Variants in BST1 observed in about 807,000 individuals in gnomAD.
BST1 encodes the protein ADP-ribosyl cyclase/cyclic ADP-ribose hydrolase 2.
Under a neutral mutation model 40.6 loss-of-function variants are expected in BST1, and 49 were observed. The ratio of observed to expected loss-of-function variants is 1.21; its 90% CI spans 0.96 to 1.53. The LOEUF is 1.53. Among genes scored for constraint, BST1 ranks in the 40% most tolerant of loss-of-function variants. BST1 has a pLI of 0.00. For synonymous variants in BST1, 157 were observed against 159.3 expected (o/e 0.99, Z 0.11); for missense variants, 423 against 395.9 (o/e 1.07, Z -0.58).
downstream of BST1, among the ~76,000 whole-genome samples, chr4:15,735,448 TGGA>T (rs1374441240): frequency 2.6e-5 from 4 of 152,146 alleles, no homozygotes; most frequent in Admixed American, 2.0e-4. Context: ...TTTCTTTTGT[TGGA>T]GGAGGCCAGG....
intron 6 of BST1, among the ~76,000 whole-genome samples, chr4:15,717,882 T>C (rs1191970392): frequency 6.6e-6 from 1 of 152,220 alleles, no homozygotes; most frequent in African/African-American, 2.4e-5. Context: ...GAAGAGCACT[T>C]GTGCAGTTCT....
intron 8 of BST1, among the ~76,000 whole-genome samples, chr4:15,727,565 G>A (rs1165577256): frequency 6.6e-6 from 1 of 152,100 alleles, no homozygotes; most frequent in Non-Finnish European, 1.5e-5. Flanking sequence ...ATTCAACAAG[G>A]TGTCATTTTC....
the BST1 span, among the ~76,000 whole-genome samples, chr4:15,772,689 C>T: frequency 1.3e-5 from 2 of 152,182 alleles, no homozygotes; most frequent in African/African-American, 4.8e-5. Flanking sequence ...ATTTGCAGAT[C>T]GAACCTAGCT....
the BST1 span, among the ~76,000 whole-genome samples, chr4:15,750,187 G>A: frequency 2.0e-5 from 3 of 152,152 alleles, no homozygotes; most frequent in African/African-American, 7.2e-5. Context: ...ACTATGCCCA[G>A]CTAATTTTTG....
the BST1 span, among the ~76,000 whole-genome samples, chr4:15,761,910 C>T: frequency 6.6e-6 from 1 of 151,826 alleles, no homozygotes; most frequent in Non-Finnish European, 1.5e-5. Context: ...GTTTTAAGAA[C>T]TTAATTCGGC....
At chr4:15,761,909 A>C in the BST1 span, among the ~76,000 whole-genome samples, 1 of 152,002 alleles carries the variant, frequency 6.6e-6, no homozygotes, top group East Asian at 1.9e-4. Context: ...GGTTTTAAGA[A>C]CTTAATTCGG....
chr4:15,764,897 T>TGTGTGTGTGTGTGTG, the BST1 span, among the ~76,000 whole-genome samples: 4 of 132,850 alleles, frequency 3.0e-5, no homozygotes, highest in Admixed American at 7.2e-5. Context: ...TGTGTGTGTG[T>TGTGTGTGTGTGTGTG]TTTGCAAAGT....
the BST1 span, among the ~76,000 whole-genome samples, chr4:15,748,970 G>A: frequency 6.6e-6 from 1 of 152,172 alleles, no homozygotes; most frequent in African/African-American, 2.4e-5. Context: ...ATGAGACGAG[G>A]GAGGGAAGCA....
At chr4:15,749,412 TTTA>T in the BST1 span, among the ~76,000 whole-genome samples, 4 of 152,184 alleles carry the variant, frequency 2.6e-5, no homozygotes, top group Non-Finnish European at 5.9e-5. Flanking sequence ...TTGTTGTTAT[TTTA>T]CTTTATTCAG....
At chr4:15,748,648 A>T in the BST1 span, among the ~76,000 whole-genome samples, 2 of 152,208 alleles carry the variant, frequency 1.3e-5, no homozygotes, top group Non-Finnish European at 2.9e-5. Context: ...ATTTTCGCAC[A>T]GTCTGCCCTC....
chr4:15,770,289 G>C, the BST1 span, among the ~76,000 whole-genome samples: 1 of 152,072 alleles, frequency 6.6e-6, no homozygotes, highest in East Asian at 1.9e-4. Flanking sequence ...CTTGTCCCCA[G>C]GTGTCCCCAA....
intron 4 of BST1, among the ~76,000 whole-genome samples, chr4:15,714,933 T>C (rs1387641889): frequency 1.3e-5 from 2 of 152,206 alleles, no homozygotes; most frequent in Non-Finnish European, 2.9e-5. Context: ...GTGATAAACA[T>C]GTAGTGTGAG....
chr4:15,703,340 A>G lies in BST1; in HGVS notation c.188+8A>G. 1.5e-6 allele frequency: 2 copies of G among 1,358,112 alleles called. No homozygotes were observed. Among genetic ancestry groups the G allele is most frequent in the East Asian group, 3.7e-5 (1 of 27,138 alleles). The allele number at this position is 1,358,112 out of a possible 1,614,324, so 84.1% of individuals were successfully genotyped here. ...GCTGAGTCCCGAGCAGCGGTGAGGC[A>G]GTCGGCCGGGTGGAAGGGGAGCCGG... On this transcript the variant is annotated splice_region_variant and intron_variant, in intron 1 of 8. Transcript: ENST00000265016.
chr4:15,731,946 A>C lies in BST1; in HGVS notation c.*101A>C. On this transcript the variant is annotated 3_prime_UTR_variant, in exon 9 of 9. Coordinates refer to ENST00000265016, the MANE Select transcript of BST1 (RefSeq NM_004334.3). Reference sequence around the variant, plus strand: ...ACCAAATGATTCTGTTATCTAAAGAAGCTTTTTGCTGGGAAAACGATGTCC... The same window carrying C: ...ACCAAATGATTCTGTTATCTAAAGACGCTTTTTGCTGGGAAAACGATGTCC... 1 of 1,401,068 alleles carries C rather than the reference A, an allele frequency of 7.1e-7. No homozygotes were observed. The highest frequency in any genetic ancestry group is 9.3e-7 in the Non-Finnish European group (1 of 1,069,942). The allele number at this position is 1,401,068 out of a possible 1,614,324, so 86.8% of individuals were successfully genotyped here.
chr4:15,736,813 T>G (rs1577603757), downstream of BST1, among the ~76,000 whole-genome samples: 1 of 152,150 alleles, frequency 6.6e-6, no homozygotes, highest in African/African-American at 2.4e-5. Context: ...TGTTTTTATG[T>G]CTCTCTCTCT....
rs1046878604 is a variant in BST1, at chr4:15,703,300, C to T, written c.156C>T (p.Ala52=). 2.6e-6 allele frequency: 4 copies of T among 1,528,766 alleles called. No individual in the cohort carries two copies. The African/African-American group carries it at 4.2e-5, about 16-fold the overall frequency. 94.7% of individuals were successfully genotyped at this position (1,528,766 alleles called of 1,614,324 possible). ...GGGACATCTTCCTGGGCCGCTGCGC[C>T]GAGTACCGCGCACTGCTGAGTCCCG... The part of the protein sequence containing the change: ...HLRDIFLGRC[A]EYRALLSPEQ... The change falls in exon 1 of 9, where the codon GCC becomes GCT. Residue 52 remains alanine (A), a synonymous_variant. Transcript: ENST00000265016.
downstream of BST1, among the ~76,000 whole-genome samples, chr4:15,741,120 A>T (rs892259019): frequency 2.7e-5 from 4 of 150,250 alleles, no homozygotes; most frequent in African/African-American, 7.4e-5. Flanking sequence ...TTTGGCCGTT[A>T]CTCACTCCTC....
intron 8 of BST1, among the ~76,000 whole-genome samples, chr4:15,727,168 C>T (rs940892520): frequency 1.1e-4 from 17 of 152,168 alleles, no homozygotes; most frequent in South Asian, 6.2e-4. Flanking sequence ...ACTCAGAGGC[C>T]GAAGCAAAAC....
downstream of BST1, among the ~76,000 whole-genome samples, chr4:15,741,559 G>A (rs1231873168): frequency 6.6e-6 from 1 of 152,184 alleles, no homozygotes; most frequent in African/African-American, 2.4e-5. Context: ...TTGAGAGCAT[G>A]TGTCAATGGC....
Sources: allele counts gnomAD v4.1 joint callset (sites outside exome capture counted in the v4.1 genomes callset), GRCh38; gene constraint gnomAD v4.1.1; transcripts MANE v1.5; gene names NCBI Gene and HGNC (gene_info 2026-07-23, HGNC 2026-07-21).